UNC13C: variants seen among roughly 807,000 people sequenced by gnomAD.
UNC13C encodes the protein unc-13 homolog C.
Under a neutral mutation model 245.4 loss-of-function variants are expected in UNC13C, and 174 were observed. The ratio of observed to expected loss-of-function variants is 0.71; its 90% CI spans 0.63 to 0.80. UNC13C has a LOEUF of 0.80. Among genes scored for constraint, UNC13C ranks in the 30% least tolerant of loss-of-function variants. The pLI, the probability that UNC13C is intolerant of heterozygous loss-of-function variation, is 0.00. For synonymous variants in UNC13C, 992 were observed against 895.1 expected, an observed-to-expected ratio of 1.11 and a Z score of -1.93; for missense variants, 2,829 against 2,602.9, an observed-to-expected ratio of 1.09 and a Z score of -1.89.
chr15:53,891,513 T>G, the UNC13C span, among the ~76,000 whole-genome samples: 1 of 152,218 alleles, frequency 6.6e-6, no homozygotes, highest in African/African-American at 2.4e-5. Context: ...TGTAGGTCTC[T>G]AAGAACTTGC....
chr15:54,013,997 A>G lies in UNC13C; in HGVS notation c.1094A>G (p.His365Arg), dbSNP rs753437924. Residue 365 changes from histidine (H) to arginine (R), a missense_variant, in exon 2 of 33, where the codon CAC becomes CGC. Physicochemically the swap from His to Arg is conservative, Grantham distance 29. Transcript: ENST00000260323. ...ATTGAATTTGCTCAGAGGATAGGAC[A>G]CCAGAGAGACTGCCCAAATGCAAAG... ...IKIEFAQRIG[H>R]QRDCPNAKPR... is the part of the protein sequence containing the mutation. The G allele has an allele frequency of 1.2e-6, 2 of 1,613,718 alleles. No homozygotes were observed. Among genetic ancestry groups the G allele is most frequent in the African/African-American group, 1.3e-5 (1 of 74,914 alleles).
chr15:54,405,975 T>C (rs537248039), intron 18 of UNC13C, among the ~76,000 whole-genome samples: 1 of 125,030 alleles, frequency 8.0e-6, no homozygotes, highest in African/African-American at 3.0e-5. Context: ...AGTAAAGAGA[T>C]GCTATGTTGA....
chr15:54,327,571 G>C (rs1360978911), intron 14 of UNC13C, among the ~76,000 whole-genome samples: 1 of 151,928 alleles, frequency 6.6e-6, no homozygotes. Flanking sequence ...AAACAGGCAA[G>C]GCAAACTTTA....
chr15:54,086,324 G>A (rs1460130219), intron 2 of UNC13C, among the ~76,000 whole-genome samples: 1 of 152,064 alleles, frequency 6.6e-6, no homozygotes, highest in Non-Finnish European at 1.5e-5. Context: ...GAAAGATATG[G>A]GAATACTATA....
chr15:54,463,013 A>G lies in UNC13C; in HGVS notation c.4934-31595A>G, dbSNP rs973652843. 2.0e-5 allele frequency among the ~76,000 whole-genome samples: 3 copies of G among 151,876 alleles called. No homozygotes were observed. In the South Asian group the frequency reaches 6.2e-4, roughly 32 times the overall value. On this transcript the variant is annotated intron_variant, in intron 19 of 32. Transcript: ENST00000260323. ...GTCTAGCTTGGGGGTTTGTGGATGC[A>G]TCAATCAGCACTCTGTGTCTAGCTA...
chr15:54,367,979 C>T (rs573402246), intron 17 of UNC13C, among the ~76,000 whole-genome samples: 25 of 152,162 alleles, frequency 1.6e-4, no homozygotes, highest in Non-Finnish European at 2.4e-4. Context: ...GAACAAATGG[C>T]GACGTTCATA....
At chr15:54,550,096 T>C (rs964900038) in intron 28 of UNC13C, among the ~76,000 whole-genome samples, 1 of 152,158 alleles carries the variant, frequency 6.6e-6, no homozygotes, top group African/African-American at 2.4e-5. Context: ...TTGTGCTTAG[T>C]TATAATTTGA....
chr15:54,435,979 GA>G (rs2040977480), intron 19 of UNC13C, among the ~76,000 whole-genome samples: 1 of 151,692 alleles, frequency 6.6e-6, no homozygotes, highest in Non-Finnish European at 1.5e-5. Flanking sequence ...AAACATATGA[GA>G]AAAAGCTCAT....
At chr15:54,427,968 A>G (rs1207667281) in intron 19 of UNC13C, among the ~76,000 whole-genome samples, 1 of 151,808 alleles carries the variant, frequency 6.6e-6, no homozygotes, top group African/African-American at 2.4e-5. Flanking sequence ...CTTTTGGTAT[A>G]TAGGGTTATA....
intron 2 of UNC13C, among the ~76,000 whole-genome samples, chr15:54,086,598 A>G (rs1008819822): frequency 6.6e-6 from 1 of 152,190 alleles, no homozygotes; most frequent in African/African-American, 2.4e-5. Flanking sequence ...ATGAAAGTTC[A>G]AAAGAGGGAG....
intron 19 of UNC13C, among the ~76,000 whole-genome samples, chr15:54,448,350 A>G (rs565270309): frequency 6.6e-6 from 1 of 152,236 alleles, no homozygotes; most frequent in Non-Finnish European, 1.5e-5. Context: ...TGTCTTGTTG[A>G]TCTGTCTAAT....
At chr15:54,179,802 C>T (rs969981850) in intron 4 of UNC13C, among the ~76,000 whole-genome samples, 4 of 151,806 alleles carry the variant, frequency 2.6e-5, no homozygotes, top group African/African-American at 7.3e-5. Flanking sequence ...TCTAACAGCA[C>T]CCAAGCAGGA....
At chr15:54,156,144 G>C (rs2032735643) in intron 4 of UNC13C, among the ~76,000 whole-genome samples, 1 of 152,182 alleles carries the variant, frequency 6.6e-6, no homozygotes, top group South Asian at 2.1e-4. Flanking sequence ...TCACAAGATT[G>C]TATGATTTTC....
At chr15:53,979,180 A>G (rs1033851230) in intron 1 of UNC13C, among the ~76,000 whole-genome samples, 2 of 152,204 alleles carry the variant, frequency 1.3e-5, no homozygotes, top group Non-Finnish European at 2.9e-5. Flanking sequence ...TTTCCAGTCA[A>G]CTTTCAGGAG....
At chr15:54,245,346 C>T (rs991122025) in intron 7 of UNC13C, among the ~76,000 whole-genome samples, 2 of 152,070 alleles carry the variant, frequency 1.3e-5, no homozygotes, top group East Asian at 1.9e-4. Context: ...GAATCATCTA[C>T]GTTATTGTTC....
At chr15:54,354,873 C>T (rs559738702) in intron 17 of UNC13C, among the ~76,000 whole-genome samples, 7 of 152,224 alleles carry the variant, frequency 4.6e-5, no homozygotes, top group South Asian at 2.1e-4. Flanking sequence ...ATATAATCCC[C>T]GATGTGGCAG....
chr15:54,113,759 GA>G (rs1333321344), intron 2 of UNC13C, among the ~76,000 whole-genome samples: 1 of 152,136 alleles, frequency 6.6e-6, no homozygotes, highest in Non-Finnish European at 1.5e-5. Flanking sequence ...CTGGAAGGCA[GA>G]GGTTGCAGTG....
the UNC13C span, among the ~76,000 whole-genome samples, chr15:53,926,789 G>A: frequency 6.6e-6 from 1 of 152,166 alleles, no homozygotes; most frequent in African/African-American, 2.4e-5. Context: ...TTCACTTCAT[G>A]TTCCAGAGAG....
chr15:54,172,807 C>A (rs2033468098), intron 4 of UNC13C, among the ~76,000 whole-genome samples: 1 of 140,114 alleles, frequency 7.1e-6, no homozygotes, highest in Non-Finnish European at 1.5e-5. Context: ...AAGTATATCC[C>A]TACCCCATGG....
Sources: allele counts gnomAD v4.1 joint callset (sites outside exome capture counted in the v4.1 genomes callset), GRCh38; gene constraint gnomAD v4.1.1; transcripts MANE v1.5; gene names NCBI Gene and HGNC (gene_info 2026-07-23, HGNC 2026-07-21).